Variants in MAGT1 observed in about 807,000 individuals in gnomAD.
MAGT1 encodes dolichyl-diphosphooligosaccharide--protein glycosyltransferase subunit MAGT1.
A neutral mutation model predicts 28.4 loss-of-function variants in MAGT1; 4 were observed. That is an observed-to-expected ratio of 0.14 (90% CI 0.07 to 0.32). The LOEUF (loss-of-function observed/expected upper bound fraction) is 0.32. Ranked by LOEUF, MAGT1 falls within the 10% of genes least tolerant of loss-of-function variation. MAGT1 has a pLI of 1.00. For synonymous variants in MAGT1, 89 were observed against 89.7 expected (o/e 0.99, Z 0.04); for missense variants, 193 against 264.5 (o/e 0.73, Z 1.88).
chrX:77,826,966 A>T lies in MAGT1; in HGVS notation c.*2254T>A, dbSNP rs187358962. Reference sequence around the variant, plus strand: ...AACGAAAAACAAAAAACCCACATAAAATATTTCTTCTGAGGCTACTATATC... The same window carrying T: ...AACGAAAAACAAAAAACCCACATAATATATTTCTTCTGAGGCTACTATATC... On this transcript the variant is annotated 3_prime_UTR_variant, in exon 10 of 10. Coordinates refer to ENST00000618282, the MANE Select transcript of MAGT1 (RefSeq NM_001367916.1). The T allele has an allele frequency of 4.9e-4, 55 of 112,181 alleles. No individual in the cohort carries two copies. Among genetic ancestry groups the T allele is most frequent in the Non-Finnish European group, 9.0e-4 (48 of 53,245 alleles). The allele number at this position is 112,181 out of a possible 1,213,427, so 9.2% of individuals were successfully genotyped here. A position where few individuals can be genotyped will look rare whatever the true frequency, so the allele number is the denominator to read the frequency against.
chrX:77,850,955 ACTTTT>A (rs1237334135), intron 7 of MAGT1, among the ~76,000 whole-genome samples: 1 of 108,025 alleles, frequency 9.3e-6, no homozygotes, highest in East Asian at 2.9e-4. Flanking sequence ...ATCAAACCAT[ACTTTT>A]CTTTTCTGTT....
At chrX:77,868,547 G>C (rs1410009893) in intron 3 of MAGT1, 2 of 184,110 alleles carry the variant, frequency 1.1e-5, no homozygotes, top group Non-Finnish European at 2.1e-5. Context: ...TGAGGCAGAA[G>C]AATCACTTGA....
chrX:77,853,266 T>C (rs1429311165), intron 7 of MAGT1, among the ~76,000 whole-genome samples: 1 of 112,064 alleles, frequency 8.9e-6, no homozygotes, highest in Non-Finnish European at 1.9e-5. Context: ...ATCCCCATCT[T>C]TGAGTAATTA....
In MAGT1 at chrX:77,878,203, C is replaced by T. The variant is rs1421936556; in HGVS notation, c.103-2606G>A. ...ACTCAGGAGGCTGAGGCATGACAATCGCTTGAACCCGGGAGACGGAGGTTG... is the reference window on the plus strand; with the variant it reads ...ACTCAGGAGGCTGAGGCATGACAATTGCTTGAACCCGGGAGACGGAGGTTG... On this transcript the variant is annotated intron_variant, in intron 1 of 9. Transcript: ENST00000618282. Among the ~76,000 whole-genome samples, 7 of 96,926 alleles carry T rather than the reference C, an allele frequency of 7.2e-5. No individual in the cohort carries two copies. The East Asian group carries it at 1.3e-3, about 19-fold the overall frequency. The allele number at this position is 96,926 out of a possible 115,157, so 84.2% of individuals were successfully genotyped here.
intron 1 of MAGT1, among the ~76,000 whole-genome samples, chrX:77,877,502 T>A (rs1336952952): frequency 1.5e-4 from 15 of 103,051 alleles, no homozygotes; most frequent in African/African-American, 2.5e-4. Context: ...AAAAAAAAAA[T>A]AAAATAAAAT....
intron 1 of MAGT1, chrX:77,885,590 C>G (rs1283153349): frequency 9.2e-6 from 1 of 109,233 alleles, no homozygotes; most frequent in Non-Finnish European, 1.9e-5. Context: ...GTGATCATAG[C>G]TCACTGCAGC....
intron 3 of MAGT1, among the ~76,000 whole-genome samples, chrX:77,863,116 G>A (rs782413825): frequency 2.7e-5 from 3 of 109,652 alleles, no homozygotes; most frequent in South Asian, 3.9e-4. Flanking sequence ...GCAGTGAGCC[G>A]AAATCTGCAC....
intron 7 of MAGT1, among the ~76,000 whole-genome samples, chrX:77,842,250 C>A (rs1569547888): frequency 9.2e-6 from 1 of 108,626 alleles, no homozygotes; most frequent in Non-Finnish European, 1.9e-5. Flanking sequence ...AAAAAATTGG[C>A]CAGGCTGGTG....
chrX:77,849,339 C>T (rs2076960664), intron 7 of MAGT1, among the ~76,000 whole-genome samples: 1 of 110,133 alleles, frequency 9.1e-6, no homozygotes, highest in Non-Finnish European at 1.9e-5. Context: ...CTCAGCCTCC[C>T]AAAGTGCTGG....
At chrX:77,886,834 T>A (rs1397231000) in intron 1 of MAGT1, among the ~76,000 whole-genome samples, 2 of 111,592 alleles carry the variant, frequency 1.8e-5, no homozygotes, top group Non-Finnish European at 3.8e-5. Context: ...GGGTTAGGAC[T>A]ACATGTTATA....
chrX:77,875,208 T>C (rs189481569), intron 2 of MAGT1, among the ~76,000 whole-genome samples: 28 of 110,929 alleles, frequency 2.5e-4, no homozygotes, highest in African/African-American at 8.5e-4. Context: ...TTTAAGTTAC[T>C]TTTATGATGG....
intron 8 of MAGT1, among the ~76,000 whole-genome samples, chrX:77,839,209 CAGG>C (rs1363177064): frequency 9.4e-6 from 1 of 106,571 alleles, no homozygotes; most frequent in Non-Finnish European, 1.9e-5. Flanking sequence ...GAGACTGAGG[CAGG>C]AGAATGGGGT....
At chrX:77,853,757 T>G in intron 7 of MAGT1, 144 bp downstream of exon 7, 1 of 528,486 alleles carries the variant, frequency 1.9e-6, no homozygotes, top group Non-Finnish European at 3.3e-6. Flanking sequence ...TTTATTGGGC[T>G]GGAGAGGATG....
chrX:77,893,484 A>C (rs782639773), intron 1 of MAGT1, among the ~76,000 whole-genome samples: 1 of 112,179 alleles, frequency 8.9e-6, no homozygotes, highest in Non-Finnish European at 1.9e-5. Context: ...TTAAAAAAAA[A>C]ACAAAACCTA....
intron 1 of MAGT1, among the ~76,000 whole-genome samples, chrX:77,876,164 A>ATATT (rs1557217807): frequency 7.2e-4 from 18 of 24,965 alleles, no homozygotes; most frequent in African/African-American, 1.3e-3. Flanking sequence ...ATATATATAT[A>ATATT]TTTTTTTTTT....
At chrX:77,866,545 G>A (rs2077009228) in intron 3 of MAGT1, among the ~76,000 whole-genome samples, 2 of 66,492 alleles carry the variant, frequency 3.0e-5, no homozygotes, top group South Asian at 1.3e-3. Flanking sequence ...AATGGCCTTC[G>A]CAAAATTATG....
At chrX:77,883,078 TATA>T (rs2077057499) in intron 1 of MAGT1, among the ~76,000 whole-genome samples, 1 of 102,151 alleles carries the variant, frequency 9.8e-6, no homozygotes, top group Admixed American at 1.2e-4. Flanking sequence ...ATAATATAAT[TATA>T]ATATGTATTA....
At chrX:77,880,998 A>G (rs1023730688) in intron 1 of MAGT1, among the ~76,000 whole-genome samples, 2 of 107,021 alleles carry the variant, frequency 1.9e-5, no homozygotes, top group Non-Finnish European at 3.9e-5. Context: ...AAGATTGGTT[A>G]TAACAAATAA....
chrX:77,872,153 C>G (rs1382882786), intron 2 of MAGT1, among the ~76,000 whole-genome samples: 2 of 109,600 alleles, frequency 1.8e-5, no homozygotes, highest in African/African-American at 6.6e-5. Flanking sequence ...AGCAATTCTC[C>G]TGCCTCAGCC....
Sources: allele counts gnomAD v4.1 joint callset (sites outside exome capture counted in the v4.1 genomes callset), GRCh38; gene constraint gnomAD v4.1.1; transcripts MANE v1.5; gene names NCBI Gene and HGNC (gene_info 2026-07-23, HGNC 2026-07-21).